CEP295: variants seen among roughly 807,000 people sequenced by gnomAD.
The protein encoded by CEP295 is centrosomal protein 295.
CEP295 carries 190 observed loss-of-function variants against 291.6 expected under a neutral mutation model. That is an observed-to-expected ratio of 0.65 (90% CI 0.58 to 0.73). The LOEUF (loss-of-function observed/expected upper bound fraction) is 0.73, where lower values mean the gene tolerates loss of function less well. CEP295 is among the 30% of genes least tolerant of loss of function. CEP295 has a pLI of 0.00. For missense variants in CEP295, 2,863 were observed against 2,949.4 expected, an observed-to-expected ratio of 0.97 and a Z score of 0.68; for synonymous variants, 993 against 1,038.8, an observed-to-expected ratio of 0.96 and a Z score of 0.85.
chr11:93,685,533 C>G (rs1251462996), intron 9 of CEP295, among the ~76,000 whole-genome samples: 1 of 151,942 alleles, frequency 6.6e-6, no homozygotes, highest in Non-Finnish European at 1.5e-5. Context: ...CTACCAGCAA[C>G]TGGGGAAAAA....
intron 4 of CEP295, 42 bp downstream of exon 4, chr11:93,668,974 A>C: frequency 1.1e-6 from 1 of 944,992 alleles, no homozygotes; most frequent in Non-Finnish European, 1.6e-6. Context: ...TGAAACTAAC[A>C]TGGTTGAAAG....
At position 93,716,809 on chromosome 11, in the gene CEP295, A is replaced by G. The variant is rs1330521616; in HGVS notation, c.5750-4503A>G. On this transcript the variant is annotated intron_variant, in intron 18 of 29. Coordinates refer to ENST00000325212, the MANE Select transcript of CEP295 (RefSeq NM_033395.2). ...TGCCCATTATCTAGATTTTGCTCTA[A>G]AGAGCCTTGCACTGGTTTATCTCGT... is the stretch of plus-strand genomic sequence containing the variant. Among the ~76,000 whole-genome samples the G allele has an allele frequency of 3.9e-5, 6 of 152,226 alleles. No individual in the cohort carries two copies. In the East Asian group the frequency reaches 1.2e-3, roughly 29 times the overall value.
intron 1 of CEP295, among the ~76,000 whole-genome samples, chr11:93,666,332 G>A (rs1230846424): frequency 6.6e-6 from 1 of 152,176 alleles, no homozygotes; most frequent in Non-Finnish European, 1.5e-5. Context: ...GGTGGCTCAT[G>A]CCTGTAATCC....
At chr11:93,717,369 G>A (rs545187663) in intron 18 of CEP295, among the ~76,000 whole-genome samples, 4 of 152,302 alleles carry the variant, frequency 2.6e-5, no homozygotes, top group South Asian at 4.1e-4. Flanking sequence ...AAAGCTGAGC[G>A]TCTGACCTGT....
chr11:93,679,242 T>C (rs1351078437), intron 6 of CEP295, among the ~76,000 whole-genome samples, 170 bp from the exon 7 acceptor site: 1 of 152,248 alleles, frequency 6.6e-6, no homozygotes, highest in Admixed American at 6.5e-5. Flanking sequence ...ATACTAACAA[T>C]TTGATCCCTT....
chr11:93,695,404 T>G, intron 12 of CEP295, 93 bp from the exon 13 acceptor site: 1 of 816,768 alleles, frequency 1.2e-6, no homozygotes, highest in Non-Finnish European at 1.7e-6. Context: ...GTACCCTTGG[T>G]GAAGAAACCT....
intron 18 of CEP295, among the ~76,000 whole-genome samples, chr11:93,714,893 G>A (rs1305430694): frequency 6.6e-6 from 1 of 152,132 alleles, no homozygotes; most frequent in East Asian, 1.9e-4. Flanking sequence ...GGGGGGAGGG[G>A]TGACACAAGC....
At chr11:93,713,991 T>C (rs1210949117) in intron 18 of CEP295, among the ~76,000 whole-genome samples, 2 of 152,164 alleles carry the variant, frequency 1.3e-5, no homozygotes, top group Admixed American at 6.5e-5. Flanking sequence ...GCTCCAGAAT[T>C]TCTGCTTGAT....
chr11:93,700,282 A>G, intron 15 of CEP295, 96 bp downstream of exon 15: 1 of 1,154,820 alleles, frequency 8.7e-7, no homozygotes, highest in Non-Finnish European at 1.2e-6. Flanking sequence ...ATTGAGAAAA[A>G]GTAGTTTGAC....
intron 5 of CEP295, among the ~76,000 whole-genome samples, chr11:93,674,540 G>A (rs2134862437): frequency 6.6e-6 from 1 of 152,156 alleles, no homozygotes; most frequent in Admixed American, 6.5e-5. Flanking sequence ...TTGTCAACAG[G>A]CCTTAAAAAA....
chr11:93,717,191 T>C (rs917705048), intron 18 of CEP295, among the ~76,000 whole-genome samples: 3 of 152,202 alleles, frequency 2.0e-5, no homozygotes, highest in Admixed American at 6.5e-5. Context: ...AACTTTGAAG[T>C]TCCTGTGGTG....
intron 24 of CEP295, 147 bp from the exon 25 acceptor site, chr11:93,728,534 T>G: frequency 3.5e-6 from 2 of 571,640 alleles, no homozygotes; most frequent in African/African-American, 1.9e-5. Context: ...GGAAATCTGA[T>G]CTGTTGGTCT....
rs147993288 is a variant in CEP295 at position 93,708,084 on chromosome 11, T to C, written c.5749+1187T>C. ...AGTAGGTGTATCTATTTATGGGGTA[T>C]ATGGGATAGTTTGATACTGGTATAC... On this transcript the variant is annotated intron_variant, in intron 18 of 29. Transcript: ENST00000325212. Among the ~76,000 whole-genome samples the C allele has an allele frequency of 8.5e-5, 13 of 152,328 alleles. No homozygotes were observed. The East Asian group carries it at 2.5e-3, about 29-fold the overall frequency.
chr11:93,712,677 G>A (rs1952985539), intron 18 of CEP295, among the ~76,000 whole-genome samples: 1 of 152,090 alleles, frequency 6.6e-6, no homozygotes, highest in South Asian at 2.1e-4. Context: ...TTTCTTGTAG[G>A]TAACAGATCA....
Position 93,729,600 on chromosome 11 carries a change from T to C in CEP295, c.7400-14T>C. 6.5e-7 allele frequency: 1 copy of C among 1,549,930 alleles called. No homozygotes were observed. Among genetic ancestry groups the C allele is most frequent in the African/African-American group, 1.4e-5 (1 of 72,854 alleles). On this transcript the variant is annotated splice_polypyrimidine_tract_variant and intron_variant, in intron 26 of 29. Coordinates refer to ENST00000325212, the MANE Select transcript of CEP295 (RefSeq NM_033395.2). ...TTTGCCTATTTCTGTCATAAATTTCTTTTCCCCCAGCAGAAACCCCTCGCA... is the reference window on the plus strand; with the variant it reads ...TTTGCCTATTTCTGTCATAAATTTCCTTTCCCCCAGCAGAAACCCCTCGCA...
At chr11:93,695,397 C>T (rs928275383) in intron 12 of CEP295, 100 bp from the exon 13 acceptor site, 1 of 718,872 alleles carries the variant, frequency 1.4e-6, no homozygotes, top group Non-Finnish European at 2.1e-6. Context: ...AAAATTGGTA[C>T]CCTTGGTGAA....
intron 1 of CEP295, among the ~76,000 whole-genome samples, chr11:93,663,665 C>A (rs1050192577): frequency 4.6e-5 from 7 of 151,984 alleles, no homozygotes; most frequent in African/African-American, 1.7e-4. Flanking sequence ...AATTCTAAGC[C>A]TGAAATTTCC....
chr11:93,696,679 T>C lies in CEP295; in HGVS notation c.1770-3T>C. On this transcript the variant is annotated splice_polypyrimidine_tract_variant and splice_region_variant and intron_variant, in intron 14 of 29. Transcript: ENST00000325212. ...AATAATTGTTTGCTTTTGTTTTTGG[T>C]AGGTTACACAGGCAGTCTGTTGAAA... The C allele has an allele frequency of 6.6e-7, 1 of 1,519,612 alleles. No homozygotes were observed. Among genetic ancestry groups the C allele is most frequent in the African/African-American group, 1.4e-5 (1 of 71,286 alleles). 94.1% of individuals were successfully genotyped at this position (1,519,612 alleles called of 1,614,324 possible).
intron 5 of CEP295, among the ~76,000 whole-genome samples, chr11:93,672,763 C>G (rs1240578511): frequency 6.6e-6 from 1 of 152,144 alleles, no homozygotes; most frequent in Non-Finnish European, 1.5e-5. Context: ...ATTAACAGAT[C>G]ATCCTAATTC....
Sources: gnomAD v4.1 joint callset for allele counts (sites outside exome capture counted in the v4.1 genomes callset) on GRCh38, gnomAD v4.1.1 for gene constraint, MANE v1.5 for transcripts, NCBI Gene and HGNC (gene_info 2026-07-23, HGNC 2026-07-21) for gene names.